Variants in LYPLAL1 observed in about 807,000 individuals in gnomAD.
LYPLAL1 encodes the protein lysophospholipase-like protein 1.
LYPLAL1 carries 23 observed loss-of-function variants against 19.7 expected under a neutral mutation model. The observed-to-expected ratio is 1.17, with a 90% CI of 0.84 to 1.65. LYPLAL1 has a LOEUF of 1.65. LYPLAL1 is among the 40% of genes most tolerant of loss of function. The pLI is 0.00. For missense variants in LYPLAL1, 355 were observed against 279.4 expected, an observed-to-expected ratio of 1.27 and a Z score of -1.93; for synonymous variants, 119 against 96.3, an observed-to-expected ratio of 1.24 and a Z score of -1.38.
the LYPLAL1 span, among the ~76,000 whole-genome samples, chr1:219,367,999 T>C: frequency 6.6e-6 from 1 of 151,770 alleles, no homozygotes; most frequent in East Asian, 1.9e-4. Context: ...CCAATTAAAG[T>C]ATAAGCTGAA....
intron 2 of LYPLAL1, among the ~76,000 whole-genome samples, chr1:219,192,702 A>G (rs1278324166): frequency 2.6e-5 from 4 of 151,456 alleles, no homozygotes; most frequent in Admixed American, 6.6e-5. Context: ...ACTCCATTAC[A>G]GTTTGGAATA....
At chr1:219,391,255 C>T in the LYPLAL1 span, among the ~76,000 whole-genome samples, 1 of 152,154 alleles carries the variant, frequency 6.6e-6, no homozygotes, top group Non-Finnish European at 1.5e-5. Flanking sequence ...CTATCGTTTT[C>T]CTGTTTGTCT....
chr1:219,175,586 A>C (rs1655746422), intron 1 of LYPLAL1, among the ~76,000 whole-genome samples: 1 of 152,188 alleles, frequency 6.6e-6, no homozygotes, highest in African/African-American at 2.4e-5. Context: ...GTATGTCTCT[A>C]AAATTCAGAG....
At chr1:219,325,053 C>T in the LYPLAL1 span, among the ~76,000 whole-genome samples, 1 of 152,100 alleles carries the variant, frequency 6.6e-6, no homozygotes, top group South Asian at 2.1e-4. Context: ...ATATAAACTT[C>T]TTTGTTTTCA....
chr1:219,365,834 A>G, the LYPLAL1 span, among the ~76,000 whole-genome samples: 6 of 152,140 alleles, frequency 3.9e-5, no homozygotes, highest in South Asian at 8.3e-4. Context: ...CTTTGTCTTT[A>G]TGGCTTCTCT....
the LYPLAL1 span, among the ~76,000 whole-genome samples, chr1:219,324,889 T>C: frequency 7.9e-5 from 12 of 152,174 alleles, no homozygotes; most frequent in Non-Finnish European, 1.8e-4. Context: ...CCAGTAAAAG[T>C]GCTATAGCAA....
chr1:219,222,710 CTT>C, the LYPLAL1 span: 1 of 152,160 alleles, frequency 6.6e-6, no homozygotes, highest in East Asian at 1.9e-4. Flanking sequence ...GTGTGTCGCT[CTT>C]TAACTGTCTT....
the LYPLAL1 span, among the ~76,000 whole-genome samples, chr1:219,243,020 CAG>C: frequency 1.3e-5 from 2 of 152,228 alleles, no homozygotes; most frequent in African/African-American, 2.4e-5. Context: ...CAATCCGAAA[CAG>C]GGGAAAGAAT....
chr1:219,266,598 T>C, the LYPLAL1 span, among the ~76,000 whole-genome samples: 1 of 152,316 alleles, frequency 6.6e-6, no homozygotes, highest in African/African-American at 2.4e-5. Flanking sequence ...TCATGTATTA[T>C]CATCAAATAT....
At chr1:219,389,007 A>T in the LYPLAL1 span, among the ~76,000 whole-genome samples, 129 of 152,324 alleles carry the variant, frequency 8.5e-4, 1 homozygote, top group East Asian at 0.012. Context: ...CAGGAGAAAG[A>T]GTTTCTTTAC....
chr1:219,418,917 A>G, the LYPLAL1 span, among the ~76,000 whole-genome samples: 7 of 152,144 alleles, frequency 4.6e-5, no homozygotes, highest in Middle Eastern at 3.2e-3. Context: ...AGCCTTTTCA[A>G]ATTGGCTTCT....
chr1:219,254,816 T>C, the LYPLAL1 span, among the ~76,000 whole-genome samples: 1 of 152,036 alleles, frequency 6.6e-6, no homozygotes, highest in Non-Finnish European at 1.5e-5. Context: ...GCTGTTGGCC[T>C]CTCTAGCAAG....
chr1:219,276,825 C>T, the LYPLAL1 span, among the ~76,000 whole-genome samples: 5 of 152,024 alleles, frequency 3.3e-5, no homozygotes, highest in Admixed American at 1.3e-4. Flanking sequence ...TATGGGACAC[C>T]GCAACCTTCT....
At chr1:219,309,395 G>C in the LYPLAL1 span, among the ~76,000 whole-genome samples, 40 of 152,250 alleles carry the variant, frequency 2.6e-4, no homozygotes, top group African/African-American at 7.7e-4. Context: ...AGACTTTGGG[G>C]GACTGTTGGG....
the LYPLAL1 span, among the ~76,000 whole-genome samples, chr1:219,406,022 C>T: frequency 6.6e-6 from 1 of 152,212 alleles, no homozygotes; most frequent in Non-Finnish European, 1.5e-5. Flanking sequence ...GACAGTCCTA[C>T]AGCTGCTGAC....
At chr1:219,347,560 A>G in the LYPLAL1 span, among the ~76,000 whole-genome samples, 5 of 152,188 alleles carry the variant, frequency 3.3e-5, no homozygotes, top group Non-Finnish European at 5.9e-5. Context: ...ACCCCCCAGG[A>G]TTCTGTCACT....
At chr1:219,290,451 G>T in the LYPLAL1 span, among the ~76,000 whole-genome samples, 1 of 152,170 alleles carries the variant, frequency 6.6e-6, no homozygotes, top group Admixed American at 6.5e-5. Context: ...CCAACATCTT[G>T]AGAAGCATTT....
chr1:219,229,559 C>G, the LYPLAL1 span, among the ~76,000 whole-genome samples: 1 of 152,202 alleles, frequency 6.6e-6, no homozygotes, highest in Non-Finnish European at 1.5e-5. Flanking sequence ...ACAGAAATCT[C>G]TCTGTCCTAG....
chr1:219,174,186 G>T, intron 1 of LYPLAL1: 3 of 1,418,656 alleles, frequency 2.1e-6, no homozygotes, highest in East Asian at 5.2e-5. Context: ...TCTATCGGGC[G>T]GTCACTGGTC....
Sources: allele counts gnomAD v4.1 joint callset (sites outside exome capture counted in the v4.1 genomes callset), GRCh38; gene constraint gnomAD v4.1.1; transcripts MANE v1.5; gene names NCBI Gene and HGNC (gene_info 2026-07-23, HGNC 2026-07-21).